Variants in TSPAN9 observed in about 807,000 individuals in gnomAD.
The protein encoded by TSPAN9 is tetraspanin 9.
TSPAN9 carries 16 observed loss-of-function variants against 31.0 expected under a neutral mutation model. The ratio of observed to expected loss-of-function variants is 0.52; its 90% CI spans 0.35 to 0.78. TSPAN9 has a LOEUF of 0.78. Among genes scored for constraint, TSPAN9 ranks in the 30% least tolerant of loss-of-function variants. TSPAN9 has a pLI of 0.01. For synonymous variants in TSPAN9, 145 were observed against 121.6 expected, an observed-to-expected ratio of 1.19 and a Z score of -1.27; for missense variants, 272 against 312.5, an observed-to-expected ratio of 0.87 and a Z score of 0.98.
chr12:3,142,933 C>T lies in TSPAN9; in HGVS notation c.-17-58244C>T, dbSNP rs538586246. Among the ~76,000 whole-genome samples the T allele has an allele frequency of 1.9e-4, 29 of 152,296 alleles. No homozygotes were observed. In the South Asian group the frequency reaches 4.4e-3, roughly 23 times the overall value. On this transcript the variant is annotated intron_variant, in intron 2 of 8. Coordinates refer to ENST00000011898, the MANE Select transcript of TSPAN9 (RefSeq NM_006675.5). ...GTTGTCCTGTCTCCTTAGGCTCCTC[C>T]GTCCTGCGACAGTTCCTTAGTTTCT... is the stretch of plus-strand genomic sequence containing the variant.
chr12:3,234,807 G>A (rs2098392461), intron 3 of TSPAN9, among the ~76,000 whole-genome samples: 1 of 152,094 alleles, frequency 6.6e-6, no homozygotes, highest in Non-Finnish European at 1.5e-5. Context: ...TTCTCAGGCA[G>A]CAGAAGGCAG....
intron 3 of TSPAN9, among the ~76,000 whole-genome samples, chr12:3,212,455 T>G (rs2098379234): frequency 6.6e-6 from 1 of 152,192 alleles, no homozygotes; most frequent in Admixed American, 6.5e-5. Flanking sequence ...TTTTAAATTT[T>G]TTGTAGAAAC....
At chr12:3,199,782 C>G (rs753814959) in intron 2 of TSPAN9, among the ~76,000 whole-genome samples, 2 of 152,132 alleles carry the variant, frequency 1.3e-5, no homozygotes, top group East Asian at 3.9e-4. Flanking sequence ...CAGAGGCCCC[C>G]GGCGCTTTCC....
At chr12:3,178,386 G>A (rs2098357050) in intron 2 of TSPAN9, among the ~76,000 whole-genome samples, 1 of 151,966 alleles carries the variant, frequency 6.6e-6, no homozygotes, top group South Asian at 2.1e-4. Flanking sequence ...TGCTTCCTGG[G>A]TTCAAGCGAT....
At chr12:3,230,815 T>C (rs765333795) in intron 3 of TSPAN9, among the ~76,000 whole-genome samples, 1 of 152,078 alleles carries the variant, frequency 6.6e-6, no homozygotes, top group Non-Finnish European at 1.5e-5. Flanking sequence ...CGAGGAGATA[T>C]CAAGTTGTTG....
At chr12:3,185,146 A>G (rs1282045378) in intron 2 of TSPAN9, among the ~76,000 whole-genome samples, 1 of 152,230 alleles carries the variant, frequency 6.6e-6, no homozygotes, top group African/African-American at 2.4e-5. Flanking sequence ...TCATTTAATC[A>G]GCAAGTATTT....
At chr12:3,088,987 C>T (rs2098302317) in intron 2 of TSPAN9, among the ~76,000 whole-genome samples, 1 of 151,918 alleles carries the variant, frequency 6.6e-6, no homozygotes, top group Non-Finnish European at 1.5e-5. Flanking sequence ...AATCCCAGCA[C>T]TTTGGGAGGC....
chr12:3,271,281 C>T (rs906074612), intron 3 of TSPAN9, among the ~76,000 whole-genome samples: 1 of 152,158 alleles, frequency 6.6e-6, no homozygotes, highest in Non-Finnish European at 1.5e-5. Context: ...TGCACCAGCT[C>T]AGTGTGAGAC....
intron 2 of TSPAN9, among the ~76,000 whole-genome samples, chr12:3,184,677 G>A (rs733851): frequency 0.19 from 28,768 of 151,778 alleles, 2,825 homozygotes; most frequent in Admixed American, 0.24. Context: ...GGATGCTGCC[G>A]GGAGCCCCGG....
At chr12:3,198,349 C>T (rs1303179183) in intron 2 of TSPAN9, among the ~76,000 whole-genome samples, 5 of 40,330 alleles carry the variant, frequency 1.2e-4, no homozygotes, top group East Asian at 8.9e-4. Context: ...CACAGCTCAC[C>T]GTACCAGCAC....
chr12:3,102,639 A>G (rs532684127), intron 2 of TSPAN9, among the ~76,000 whole-genome samples: 134 of 151,946 alleles, frequency 8.8e-4, no homozygotes, highest in African/African-American at 3.1e-3. Context: ...GGGTTTCACC[A>G]TGTTAGCCAG....
chr12:3,115,571 G>A (rs749911206), intron 2 of TSPAN9, among the ~76,000 whole-genome samples: 10 of 152,188 alleles, frequency 6.6e-5, no homozygotes, highest in Non-Finnish European at 1.0e-4. Context: ...GTCCCAGATC[G>A]GGGTGCCAGC....
intron 1 of TSPAN9, among the ~76,000 whole-genome samples, chr12:3,081,668 A>G (rs1304754800): frequency 1.3e-5 from 2 of 151,934 alleles, no homozygotes; most frequent in Admixed American, 1.3e-4. Flanking sequence ...TGTCACATGT[A>G]TAAGAGTCTG....
intron 2 of TSPAN9, among the ~76,000 whole-genome samples, chr12:3,189,534 G>A (rs934792252): frequency 6.6e-6 from 1 of 152,120 alleles, no homozygotes; most frequent in Non-Finnish European, 1.5e-5. Flanking sequence ...GCCCAGTCAC[G>A]TGTGACTGGG....
At chr12:3,223,257 C>T (rs953537902) in intron 3 of TSPAN9, among the ~76,000 whole-genome samples, 7 of 152,214 alleles carry the variant, frequency 4.6e-5, no homozygotes, top group Non-Finnish European at 1.5e-5. Flanking sequence ...GGAACAAACA[C>T]GTCCAATTAC....
chr12:3,116,231 A>G (rs11837327), intron 2 of TSPAN9, among the ~76,000 whole-genome samples: 12,369 of 152,228 alleles, frequency 0.081, 1,613 homozygotes, highest in African/African-American at 0.28. Flanking sequence ...TAAGCTGCAT[A>G]GCAGATCAGG....
intron 2 of TSPAN9, among the ~76,000 whole-genome samples, chr12:3,096,769 T>C (rs2098309286): frequency 6.6e-6 from 1 of 151,978 alleles, no homozygotes; most frequent in Non-Finnish European, 1.5e-5. Context: ...CTCGGCTCAC[T>C]GCAAGCTCCG....
rs2098299052 is a variant in TSPAN9, at chr12:3,083,716, A to AC, written c.-20dup. On this transcript the variant is annotated 5_prime_UTR_variant, in exon 2 of 9. Transcript: ENST00000011898. ...GGTGTTTCCAGGAAGTTCAGAGAGA[A>AC]CAGGTCAGTGTTGGTCCGGGTCCAT... The AC allele has an allele frequency of 6.6e-6, 1 of 152,200 alleles. No individual in the cohort carries two copies. Among genetic ancestry groups the AC allele is most frequent in the Non-Finnish European group, 1.5e-5 (1 of 68,058 alleles). 9.4% of individuals were successfully genotyped at this position (152,200 alleles called of 1,614,324 possible).
intron 3 of TSPAN9, among the ~76,000 whole-genome samples, chr12:3,245,975 A>C (rs1292181310): frequency 6.6e-6 from 1 of 152,012 alleles, no homozygotes; most frequent in Non-Finnish European, 1.5e-5. Context: ...ATATTGGGCT[A>C]TTCTTGCATT....
Sources: allele counts gnomAD v4.1 joint callset (sites outside exome capture counted in the v4.1 genomes callset), GRCh38; gene constraint gnomAD v4.1.1; transcripts MANE v1.5; gene names NCBI Gene and HGNC (gene_info 2026-07-23, HGNC 2026-07-21).